HSPA1L: variants seen among roughly 807,000 people sequenced by gnomAD.
HSPA1L encodes heat shock 70 kDa protein 1-like.
Under a neutral mutation model 31.5 loss-of-function variants are expected in HSPA1L, and 21 were observed. That is an observed-to-expected ratio of 0.67 (90% CI 0.47 to 0.96). HSPA1L has a LOEUF of 0.96. HSPA1L is among the 40% of genes least tolerant of loss of function. HSPA1L has a pLI of 0.00. For synonymous variants in HSPA1L, 293 were observed against 323.1 expected, an observed-to-expected ratio of 0.91 and a Z score of 1.00; for missense variants, 709 against 813.4, an observed-to-expected ratio of 0.87 and a Z score of 1.56.
In HSPA1L at chr6:31,815,248, G is replaced by A. The variant is rs1202453832; in HGVS notation, c.-373C>T. ...CGACCCTTCCTGTCAATTAGGCGCT[G>A]AAGCGCAGGCGGTCAGCATCGCCAT... On this transcript the variant is annotated 5_prime_UTR_variant, in exon 1 of 2. Coordinates refer to ENST00000375654, the MANE Select transcript of HSPA1L (RefSeq NM_005527.4). Among the ~76,000 whole-genome samples, 2 of 152,122 alleles carry A rather than the reference G, an allele frequency of 1.3e-5. No individual in the cohort carries two copies. Among genetic ancestry groups the A allele is most frequent in the African/African-American group, 2.4e-5 (1 of 41,430 alleles).
intron 1 of HSPA1L, among the ~76,000 whole-genome samples, chr6:31,812,462 C>A (rs115333512): frequency 2.0e-5 from 3 of 151,862 alleles, no homozygotes; most frequent in African/African-American, 7.3e-5. Context: ...CGTGAGCCAC[C>A]GTGACCAGCT....
Position 31,810,704 on chromosome 6 carries a change from G to A in HSPA1L, c.1269C>T (p.Pro423=), listed in dbSNP as rs1293113091. 2 of 1,614,012 alleles carry A rather than the reference G, an allele frequency of 1.2e-6. No homozygotes were observed. Among genetic ancestry groups the A allele is most frequent in the South Asian group, 2.2e-5 (2 of 91,074 alleles). ...TALIKRNSTI[P]TKQTQIFTTY... The stretch of plus-strand genomic sequence containing the variant: ...TGGTGAAAATCTGTGTCTGCTTGGT[G>A]GGGATGGTGGAGTTGCGCTTTATCA... Residue 423 remains proline, a synonymous_variant, in exon 2 of 2, where the codon CCC becomes CCT. Coordinates refer to ENST00000375654, the MANE Select transcript of HSPA1L (RefSeq NM_005527.4).
rs1408402334 is a variant in HSPA1L, at chr6:31,810,181, T to A, written c.1792A>T (p.Arg598Ter). Residue 598 changes from arginine (R) to a stop codon, truncating the protein, a stop_gained, in exon 2 of 2, where the codon AGA (arginine) becomes TGA (stop). Transcript: ENST00000375654. LOFTEE classifies it high-confidence loss of function. Reference sequence around the variant, plus strand: ...TTACACATCTGCTCCAATTCCTTTCTCTTATGATCAAACTCATCTTTCTCT... The same window carrying A: ...TTACACATCTGCTCCAATTCCTTTCACTTATGATCAAACTCATCTTTCTCT... ...LAEKDEFDHK[R>*]KELEQMCNPI... 1 of 1,528,348 alleles carries A rather than the reference T, an allele frequency of 6.5e-7. No individual in the cohort carries two copies. The highest frequency in any genetic ancestry group is 8.7e-7 in the Non-Finnish European group (1 of 1,143,416). 94.7% of individuals were successfully genotyped at this position (1,528,348 alleles called of 1,614,324 possible).
Position 31,809,944 on chromosome 6 carries a change from G to C in HSPA1L, c.*103C>G, listed in dbSNP as rs1815290684. The C allele has an allele frequency of 1.0e-6, 1 of 998,840 alleles. No homozygotes were observed. Among genetic ancestry groups the C allele is most frequent in the Non-Finnish European group, 1.4e-6 (1 of 736,204 alleles). 61.9% of individuals were successfully genotyped at this position (998,840 alleles called of 1,614,324 possible). A position where few individuals can be genotyped will look rare whatever the true frequency, so the allele number is the denominator to read the frequency against. On this transcript the variant is annotated 3_prime_UTR_variant, in exon 2 of 2. Coordinates refer to ENST00000375654, the MANE Select transcript of HSPA1L (RefSeq NM_005527.4). ...CCTTCTCCAGAATTTCCAAGGGATG[G>C]TAACTTAGATTCAGGTCTGGTCAAG...
chr6:31,814,131 G>T (rs1350580331), intron 1 of HSPA1L, among the ~76,000 whole-genome samples: 1 of 152,170 alleles, frequency 6.6e-6, no homozygotes, highest in Non-Finnish European at 1.5e-5. Flanking sequence ...TTTAAGGGCG[G>T]GGGGCGGTGG....
Position 31,810,660 on chromosome 6 carries a change from G to A in HSPA1L, c.1313C>T (p.Pro438Leu). ...CTCATACACCTGGATCAGCACCCCG[G>A]GTTGGTTGTCAGAGTAGGTGGTGAA... Reference protein sequence around the residue: ...QIFTTYSDNQPGVLIQVYEGE... With the variant: ...QIFTTYSDNQLGVLIQVYEGE... Residue 438 changes from proline to leucine, a missense_variant, in exon 2 of 2, where the codon CCC (proline) becomes CTC (leucine). By Grantham distance (98) the Pro-to-Leu change is moderately conservative. Transcript: ENST00000375654. 6.2e-7 allele frequency: 1 copy of A among 1,614,006 alleles called. No homozygotes were observed. Among genetic ancestry groups the A allele is most frequent in the East Asian group, 2.2e-5 (1 of 44,866 alleles).
In HSPA1L at chr6:31,810,803, T is replaced by C. The variant is rs143774785; in HGVS notation, c.1170A>G (p.Val390=). The change falls in exon 2 of 2, where the codon GTA becomes GTG. Residue 390 remains valine (V), a synonymous_variant. Coordinates refer to ENST00000375654, the MANE Select transcript of HSPA1L (RefSeq NM_005527.4). ...CCACGTCCAGCAGCAGCAGGTCCTG[T>C]ACCTTCTCAGACTTGTCCCCCATCA... is the stretch of plus-strand genomic sequence containing the variant. The part of the protein sequence containing the change: ...AILMGDKSEK[V]QDLLLLDVAP... 3.7e-4 allele frequency: 603 copies of C among 1,614,102 alleles called. No homozygotes were observed. Among genetic ancestry groups the C allele is most frequent in the Non-Finnish European group, 4.8e-4 (570 of 1,179,996 alleles).
intron 1 of HSPA1L, among the ~76,000 whole-genome samples, chr6:31,813,518 T>G (rs950428127): frequency 6.6e-6 from 1 of 152,192 alleles, no homozygotes; most frequent in African/African-American, 2.4e-5. Flanking sequence ...TTGACCAGGA[T>G]GGTCTCAAAC....
In HSPA1L at chr6:31,810,074, T is replaced by C. The variant is rs754758781; in HGVS notation, c.1899A>G (p.Thr633=). Residue 633 remains threonine (T), a synonymous_variant, in exon 2 of 2, where the codon ACA becomes ACG. Transcript: ENST00000375654. ...GTGYVPGRPA[T]GPTIEEVD is the part of the protein sequence containing the mutation. ...AATCTACTTCTTCAATTGTGGGGCC[T>C]GTGGCAGGCCTTCCAGGCACATACC... The C allele has an allele frequency of 3.5e-6, 5 of 1,428,560 alleles. No homozygotes were observed. The highest frequency in any genetic ancestry group is 4.6e-6 in the Non-Finnish European group (5 of 1,090,564). The allele number at this position is 1,428,560 out of a possible 1,614,324, so 88.5% of individuals were successfully genotyped here. A position where few individuals can be genotyped will look rare whatever the true frequency, so the allele number is the denominator to read the frequency against.
rs923849656 is a variant in HSPA1L, at chr6:31,810,924, C to T, written c.1049G>A (p.Arg350Gln). The T allele has an allele frequency of 8.7e-6, 14 of 1,614,010 alleles. No individual in the cohort carries two copies. Among genetic ancestry groups the T allele is most frequent in the South Asian group, 2.2e-5 (2 of 91,090 alleles). ...TCCATTGAAGTAGTCCTGAAGCAGC[C>T]GCTGCACCTTGGGGATGCGGGTGGA... Reference protein sequence around the residue: ...GGSTRIPKVQRLLQDYFNGRD... With the variant: ...GGSTRIPKVQQLLQDYFNGRD... Residue 350 changes from arginine (R) to glutamine (Q), a missense_variant, in exon 2 of 2, where the codon CGG becomes CAG. Physicochemically the swap from Arg to Gln is conservative, Grantham distance 43. Transcript: ENST00000375654.
At chr6:31,813,114 C>T (rs748870947) in intron 1 of HSPA1L, among the ~76,000 whole-genome samples, 8 of 152,212 alleles carry the variant, frequency 5.3e-5, no homozygotes, top group Non-Finnish European at 1.2e-4. Context: ...TGAGCCAAGG[C>T]GCCCGACCTC....
chr6:31,811,642 C>G lies in HSPA1L; in HGVS notation c.331G>C (p.Gly111Arg). Residue 111 changes from glycine (G) to arginine (R), a missense_variant, in exon 2 of 2, where the codon GGG becomes CGG. Coordinates refer to ENST00000375654, the MANE Select transcript of HSPA1L (RefSeq NM_005527.4). ...TCAGGGTAGAAAGCTTTATTCTCCC[C>G]TTTGTAGGACACAAGGACTTTGGGC... Reference protein sequence around the residue: ...GKPKVLVSYKGENKAFYPEEI... With the variant: ...GKPKVLVSYKRENKAFYPEEI... 6.2e-7 allele frequency: 1 copy of G among 1,614,222 alleles called. No individual in the cohort carries two copies. The highest frequency in any genetic ancestry group is 8.5e-7 in the Non-Finnish European group (1 of 1,180,052).
Position 31,814,898 on chromosome 6 carries a change from C to G in HSPA1L, c.-23G>C. On this transcript the variant is annotated 5_prime_UTR_variant, in exon 1 of 2. Coordinates refer to ENST00000375654, the MANE Select transcript of HSPA1L (RefSeq NM_005527.4). ...ATCCCTACTGGCTCACCTAGTCTCC[C>G]GACGCCTTCGCTTCAGTTTGGAAAC... The G allele has an allele frequency of 1.0e-6, 1 of 985,606 alleles. No individual in the cohort carries two copies. The highest frequency in any genetic ancestry group is 1.2e-6 in the Non-Finnish European group (1 of 830,120). 61.1% of individuals were successfully genotyped at this position (985,606 alleles called of 1,614,324 possible).
rs111279147 is a variant in HSPA1L, at chr6:31,810,422, A to C, written c.1551T>G (p.Ile517Met). 1 of 1,613,790 alleles carries C rather than the reference A, an allele frequency of 6.2e-7. No homozygotes were observed. Among genetic ancestry groups the C allele is most frequent in the South Asian group, 1.1e-5 (1 of 91,062 alleles). ...TCTCAGCATCCAGAACCATGCGCTC[A>C]ATCTCCTCCTTGCTCAGGCGGCCCT... ...NDKGRLSKEEIERMVLDAEKY... is the reference protein window; with the variant it reads ...NDKGRLSKEEMERMVLDAEKY... Residue 517 changes from isoleucine to methionine, a missense_variant, in exon 2 of 2, where the codon ATT (isoleucine) becomes ATG (methionine). Physicochemically the swap from Ile to Met is conservative, Grantham distance 10. Transcript: ENST00000375654.
Position 31,815,212 on chromosome 6 carries a change from A to G in HSPA1L, c.-337T>C. On this transcript the variant is annotated 5_prime_UTR_variant, in exon 1 of 2. Coordinates refer to ENST00000375654, the MANE Select transcript of HSPA1L (RefSeq NM_005527.4). ...AGGCCCAGCAAGCCCCCACAATTAA[A>G]AGCCCAGCGCCGACCCTTCCTGTCA... 1 of 217,056 alleles carries G rather than the reference A, an allele frequency of 4.6e-6. No individual in the cohort carries two copies. Among genetic ancestry groups the G allele is most frequent in the South Asian group, 7.4e-5 (1 of 13,466 alleles). The allele number at this position is 217,056 out of a possible 1,614,324, so 13.4% of individuals were successfully genotyped here.
At position 31,811,945 on chromosome 6, in the gene HSPA1L, C is replaced by T. The variant is rs777589589; in HGVS notation, c.28G>A (p.Gly10Ser). Residue 10 changes from glycine (G) to serine (S), a missense_variant, in exon 2 of 2, where the codon GGC becomes AGC. Transcript: ENST00000375654. MATAKGIAI[G>S]IDLGTTYSCV... The stretch of plus-strand genomic sequence containing the variant: ...GAGTAGGTGGTGCCCAGGTCGATGC[C>T]TATGGCGATTCCCTTGGCAGTAGCC... The T allele has an allele frequency of 1.2e-6, 2 of 1,614,192 alleles. No individual in the cohort carries two copies. The highest frequency in any genetic ancestry group is 1.1e-5 in the South Asian group (1 of 91,080).
Position 31,811,490 on chromosome 6 carries a change from C to A in HSPA1L, c.483G>T (p.Lys161Asn), listed in dbSNP as rs779186102. ...YFNDSQRQATKDAGVIAGLNV... is the reference protein window; with the variant it reads ...YFNDSQRQATNDAGVIAGLNV... The stretch of plus-strand genomic sequence containing the variant: ...TAAGTCCAGCAATCACACCTGCATC[C>A]TTAGTAGCCTGACGTTGAGAGTCAT... Residue 161 changes from lysine to asparagine, a missense_variant, in exon 2 of 2, where the codon AAG becomes AAT. By Grantham distance (94) the Lys-to-Asn change is moderately conservative. Transcript: ENST00000375654. 6.2e-7 allele frequency: 1 copy of A among 1,614,170 alleles called. No homozygotes were observed. The highest frequency in any genetic ancestry group is 8.5e-7 in the Non-Finnish European group (1 of 1,180,034).
rs1030228955 is a variant in HSPA1L at position 31,811,605 on chromosome 6, G to A, written c.368C>T (p.Ser123Leu). The part of the protein sequence containing the change: ...NKAFYPEEIS[S>L]MVLTKLKETA... ...CTCCTTCAACTTAGTCAATACCATCGAAGAGATTTCCTCAGGGTAGAAAGC... is the reference window on the plus strand; with the variant it reads ...CTCCTTCAACTTAGTCAATACCATCAAAGAGATTTCCTCAGGGTAGAAAGC... The change falls in exon 2 of 2, where the codon TCG becomes TTG. Residue 123 changes from serine (S) to leucine (L), a missense_variant. Coordinates refer to ENST00000375654, the MANE Select transcript of HSPA1L (RefSeq NM_005527.4). The A allele has an allele frequency of 3.1e-6, 5 of 1,614,064 alleles. No homozygotes were observed. Among genetic ancestry groups the A allele is most frequent in the South Asian group, 2.2e-5 (2 of 91,090 alleles).
intron 1 of HSPA1L, 96 bp from the exon 2 acceptor site, chr6:31,812,081 T>G (rs1252217972): frequency 2.1e-6 from 3 of 1,430,796 alleles, no homozygotes; most frequent in African/African-American, 1.4e-5. Flanking sequence ...CAGGTTGGAG[T>G]GCAGAGGCGC....
Sources: gnomAD v4.1 joint callset for allele counts (sites outside exome capture counted in the v4.1 genomes callset) on GRCh38, gnomAD v4.1.1 for gene constraint, MANE v1.5 for transcripts, NCBI Gene and HGNC (gene_info 2026-07-23, HGNC 2026-07-21) for gene names.